The following CDH12 variants were observed in gnomAD, a reference collection of about 807,000 sequenced individuals.
The protein encoded by CDH12 is cadherin 12.
A neutral mutation model predicts 74.1 loss-of-function variants in CDH12; 41 were observed. That is an observed-to-expected ratio of 0.55 (90% CI 0.43 to 0.72). The LOEUF is 0.72. CDH12 is among the 30% of genes least tolerant of loss of function. The probability of loss-of-function intolerance (pLI) is 0.00; values close to 1 mark genes in which losing one functional copy is unlikely to be tolerated. For synonymous variants in CDH12, 399 were observed against 355.0 expected (o/e 1.12, Z -1.39); for missense variants, 945 against 977.2 (o/e 0.97, Z 0.44).
intron 1 of CDH12, among the ~76,000 whole-genome samples, chr5:22,612,926 T>C (rs529038490): frequency 1.3e-5 from 2 of 152,212 alleles, no homozygotes; most frequent in African/African-American, 4.8e-5. Context: ...AGGAATAACT[T>C]GGAAGAAGTG....
At chr5:21,881,021 A>G (rs1752327729) in intron 6 of CDH12, among the ~76,000 whole-genome samples, 1 of 152,104 alleles carries the variant, frequency 6.6e-6, no homozygotes, top group South Asian at 2.1e-4. Flanking sequence ...CTCGGGGAGA[A>G]TAATAAAATC....
chr5:22,500,441 C>T (rs992143260), intron 2 of CDH12, among the ~76,000 whole-genome samples: 18 of 152,022 alleles, frequency 1.2e-4, no homozygotes, highest in Non-Finnish European at 4.4e-5. Context: ...ATAGACTGCC[C>T]CAGAAGAAAC....
chr5:21,768,494 G>A (rs1593989), intron 11 of CDH12, among the ~76,000 whole-genome samples: 12,393 of 151,864 alleles, frequency 0.082, 867 homozygotes, highest in African/African-American at 0.19. Flanking sequence ...AAATGAAATA[G>A]AAAATGATAA....
At chr5:22,704,238 G>A (rs1464584604) in intron 1 of CDH12, among the ~76,000 whole-genome samples, 1 of 152,114 alleles carries the variant, frequency 6.6e-6, no homozygotes, top group Non-Finnish European at 1.5e-5. Flanking sequence ...AAAGGCAGCA[G>A]CAGGAGAAGC....
intron 1 of CDH12, among the ~76,000 whole-genome samples, chr5:22,535,900 G>T (rs549269489): frequency 6.6e-6 from 1 of 152,174 alleles, no homozygotes; most frequent in African/African-American, 2.4e-5. Flanking sequence ...AAAAAATTGC[G>T]TTGGTACTGA....
intron 5 of CDH12, among the ~76,000 whole-genome samples, chr5:21,991,451 T>G (rs1482047407): frequency 2.0e-5 from 3 of 149,634 alleles, no homozygotes; most frequent in Non-Finnish European, 4.4e-5. Context: ...CAAGCACAAT[T>G]TTTGCAAAAT....
intron 1 of CDH12, among the ~76,000 whole-genome samples, chr5:22,555,927 C>G (rs1738784140): frequency 6.6e-6 from 1 of 151,508 alleles, no homozygotes; most frequent in Non-Finnish European, 1.5e-5. Context: ...AAAAAAAGGA[C>G]AGAAGACACA....
chr5:22,075,271 G>A (rs373817146), intron 5 of CDH12, among the ~76,000 whole-genome samples: 191 of 142,198 alleles, frequency 1.3e-3, no homozygotes, highest in Non-Finnish European at 2.3e-3. Flanking sequence ...GAGAACACTC[G>A]GACACTTGAA....
intron 1 of CDH12, among the ~76,000 whole-genome samples, chr5:22,849,268 C>T (rs1027804597): frequency 2.2e-4 from 33 of 152,090 alleles, no homozygotes; most frequent in African/African-American, 7.0e-4. Flanking sequence ...ATGTAATAAT[C>T]CTTAAACTAT....
intron 4 of CDH12, among the ~76,000 whole-genome samples, chr5:22,105,344 CG>C (rs1561116175): frequency 1.3e-5 from 2 of 150,874 alleles, no homozygotes; most frequent in African/African-American, 4.9e-5. Flanking sequence ...CCGCCCACCT[CG>C]GCCCCCCAAA....
At chr5:21,804,649 C>A (rs62348726) in intron 9 of CDH12, among the ~76,000 whole-genome samples, 3,554 of 19,970 alleles carry the variant, frequency 0.18, 105 homozygotes, top group African/African-American at 0.25. Flanking sequence ...TTAAAACACA[C>A]ACACACACAC....
At chr5:22,629,852 GA>G (rs1738492097) in intron 1 of CDH12, among the ~76,000 whole-genome samples, 1 of 152,056 alleles carries the variant, frequency 6.6e-6, no homozygotes. Context: ...ATTTTAGCTA[GA>G]AAACCCCATA....
Position 21,924,079 on chromosome 5 carries a change from TAAC to T in CDH12, c.526+51009_526+51011del, listed in dbSNP as rs542663269. 6.2e-3 allele frequency among the ~76,000 whole-genome samples: 950 copies of T among 152,306 alleles called. 8 individuals carry two copies. Among genetic ancestry groups the T allele is most frequent in the Non-Finnish European group, 9.8e-3 (668 of 68,028 alleles). On this transcript the variant is annotated intron_variant, in intron 6 of 14. Transcript: ENST00000382254. ...CTTGAAGTCATCAGTGCTCAAACTG[TAAC>T]AACACCACTAATGCAATTGCTGACT...
At chr5:22,679,761 G>A (rs1216611834) in intron 1 of CDH12, among the ~76,000 whole-genome samples, 4 of 152,018 alleles carry the variant, frequency 2.6e-5, no homozygotes, top group Non-Finnish European at 5.9e-5. Flanking sequence ...TTATGTACAT[G>A]CTACTATCTG....
Position 22,559,538 on chromosome 5 carries a change from A to G in CDH12, c.-522-54174T>C, listed in dbSNP as rs144609851. Among the ~76,000 whole-genome samples, 997 of 152,220 alleles carry G rather than the reference A, an allele frequency of 6.5e-3. 3 individuals carry two copies. The highest frequency in any genetic ancestry group is 0.022 in the South Asian group (104 of 4,820). ...GAGTGCTATGAATCTTTCAAAAAATATAAATTAATAATAAAATAAGAACCA... is the reference window on the plus strand; with the variant it reads ...GAGTGCTATGAATCTTTCAAAAAATGTAAATTAATAATAAAATAAGAACCA... On this transcript the variant is annotated intron_variant, in intron 1 of 14. Coordinates refer to ENST00000382254, the MANE Select transcript of CDH12 (RefSeq NM_004061.5).
intron 3 of CDH12, among the ~76,000 whole-genome samples, chr5:22,230,209 G>C (rs942209292): frequency 4.6e-5 from 7 of 152,044 alleles, no homozygotes; most frequent in African/African-American, 1.4e-4. Flanking sequence ...ATTGAAAGGA[G>C]ACAAACTACT....
At chr5:22,269,160 CA>C (rs1736269089) in intron 3 of CDH12, among the ~76,000 whole-genome samples, 1 of 152,098 alleles carries the variant, frequency 6.6e-6, no homozygotes, top group South Asian at 2.1e-4. Context: ...CACTTCTTGA[CA>C]AAGAATATGT....
intron 3 of CDH12, among the ~76,000 whole-genome samples, chr5:22,346,416 G>A (rs1243971320): frequency 1.3e-5 from 2 of 151,730 alleles, no homozygotes; most frequent in Non-Finnish European, 2.9e-5. Flanking sequence ...TTCCCTAATT[G>A]GTTCATTGTG....
intron 5 of CDH12, among the ~76,000 whole-genome samples, chr5:22,048,748 A>C (rs1740140332): frequency 6.6e-6 from 1 of 152,182 alleles, no homozygotes. Context: ...AAACAGCCTA[A>C]ATTTTGCAGA....
Sources: gnomAD v4.1 joint callset for allele counts (sites outside exome capture counted in the v4.1 genomes callset) on GRCh38, gnomAD v4.1.1 for gene constraint, MANE v1.5 for transcripts, NCBI Gene and HGNC (gene_info 2026-07-23, HGNC 2026-07-21) for gene names.